Variants in TMPRSS4 observed in about 807,000 individuals in gnomAD.
TMPRSS4 encodes transmembrane serine protease 4.
TMPRSS4 carries 45 observed loss-of-function variants against 56.4 expected under a neutral mutation model. The observed-to-expected ratio is 0.80, with a 90% CI of 0.63 to 1.02. The LOEUF (loss-of-function observed/expected upper bound fraction) is 1.02. TMPRSS4 is among the 50% of genes least tolerant of loss of function. The probability of loss-of-function intolerance (pLI) is 0.00; values close to 1 mark genes in which losing one functional copy is unlikely to be tolerated. For synonymous variants in TMPRSS4, 205 were observed against 211.0 expected, an observed-to-expected ratio of 0.97 and a Z score of 0.25; for missense variants, 546 against 556.7, an observed-to-expected ratio of 0.98 and a Z score of 0.19.
At chr11:118,097,695 TGATAAGCTCCTAC>T (rs1946483446) in intron 2 of TMPRSS4, among the ~76,000 whole-genome samples, 1 of 152,166 alleles carries the variant, frequency 6.6e-6, no homozygotes, top group Non-Finnish European at 1.5e-5. Context: ...TTCTAGGCAG[TGATAAGCTCCTAC>T]CTGGTCTCCC....
chr11:118,084,024 C>A (rs904258828), intron 1 of TMPRSS4, among the ~76,000 whole-genome samples: 1 of 152,042 alleles, frequency 6.6e-6, no homozygotes, highest in Non-Finnish European at 1.5e-5. Flanking sequence ...GGCAACAGAG[C>A]GAGACTCCAT....
chr11:118,116,704 T>C (rs911323649), intron 11 of TMPRSS4, among the ~76,000 whole-genome samples: 44 of 144,628 alleles, frequency 3.0e-4, no homozygotes, highest in African/African-American at 1.1e-3. Flanking sequence ...GGTTAAACAA[T>C]GATAACCAGG....
At chr11:118,097,041 A>AGGAAAGGAAAGGAAAGGAAAG (rs1555084993) in intron 2 of TMPRSS4, among the ~76,000 whole-genome samples, 5 of 77,888 alleles carry the variant, frequency 6.4e-5, no homozygotes, top group East Asian at 7.1e-4. Context: ...AGAAAAGGAA[A>AGGAAAGGAAAGGAAAGGAAAG]GAAAGGAAAG....
intron 1 of TMPRSS4, among the ~76,000 whole-genome samples, chr11:118,090,582 G>A (rs1474562491): frequency 6.8e-6 from 1 of 146,934 alleles, no homozygotes; most frequent in Non-Finnish European, 1.5e-5. Context: ...TTCGAGACCA[G>A]CCTGGGCAAT....
At chr11:118,090,792 TCTCTCA>T (rs1945889207) in intron 1 of TMPRSS4, among the ~76,000 whole-genome samples, 1 of 148,928 alleles carries the variant, frequency 6.7e-6, no homozygotes, top group African/African-American at 2.5e-5. Context: ...TCTTTCTTTC[TCTCTCA>T]CTCTGTCACA....
chr11:118,114,334 A>G (rs1162384339), intron 9 of TMPRSS4, among the ~76,000 whole-genome samples: 1 of 152,180 alleles, frequency 6.6e-6, no homozygotes, highest in Non-Finnish European at 1.5e-5. Flanking sequence ...ATTATTTATA[A>G]TTCCTGAGAG....
intron 12 of TMPRSS4, 105 bp from the exon 13 acceptor site, chr11:118,117,797 G>A: frequency 6.2e-7 from 1 of 1,607,860 alleles, no homozygotes. Flanking sequence ...AGGGTAGGGA[G>A]AGAAGCAAAG....
chr11:118,083,409 C>T (rs984313780), intron 1 of TMPRSS4, among the ~76,000 whole-genome samples: 36 of 152,180 alleles, frequency 2.4e-4, no homozygotes, highest in Non-Finnish European at 4.4e-5. Flanking sequence ...GCCCTGGTCA[C>T]TGTCCCCAGA....
chr11:118,109,694 G>A (rs1947178549), intron 7 of TMPRSS4, among the ~76,000 whole-genome samples: 1 of 152,224 alleles, frequency 6.6e-6, no homozygotes, highest in Non-Finnish European at 1.5e-5. Flanking sequence ...GCTTCATAGA[G>A]AACTGAGACT....
chr11:118,100,412 G>A (rs1224148318), intron 3 of TMPRSS4, among the ~76,000 whole-genome samples: 1 of 152,212 alleles, frequency 6.6e-6, no homozygotes, highest in Non-Finnish European at 1.5e-5. Context: ...CTGGTTAGAG[G>A]ACACTGAGAG....
chr11:118,092,537 G>A (rs1323029827), intron 1 of TMPRSS4, among the ~76,000 whole-genome samples: 3 of 152,242 alleles, frequency 2.0e-5, no homozygotes, highest in Non-Finnish European at 4.4e-5. Flanking sequence ...TGCAGGGTCT[G>A]CAAAATATCT....
At chr11:118,090,701 G>A (rs536862681) in intron 1 of TMPRSS4, among the ~76,000 whole-genome samples, 4 of 151,736 alleles carry the variant, frequency 2.6e-5, no homozygotes, top group African/African-American at 7.3e-5. Context: ...GCCCTTGAGC[G>A]CAGGAGGTGG....
chr11:118,089,836 C>T (rs971942925), intron 1 of TMPRSS4, among the ~76,000 whole-genome samples: 5 of 152,090 alleles, frequency 3.3e-5, no homozygotes, highest in African/African-American at 1.2e-4. Context: ...CTTAATATTA[C>T]ATTCTAATAT....
intron 3 of TMPRSS4, among the ~76,000 whole-genome samples, chr11:118,099,807 T>A (rs1256992763): frequency 6.6e-6 from 1 of 152,136 alleles, no homozygotes; most frequent in Non-Finnish European, 1.5e-5. Context: ...CCCAGGCAGT[T>A]GGCACCTGGC....
In TMPRSS4 at chr11:118,118,552, A is replaced by G. The variant is rs1031273206; in HGVS notation, c.*639A>G. The G allele has an allele frequency of 4.1e-6, 4 of 985,420 alleles. No homozygotes were observed. The African/African-American group carries it at 5.2e-5, about 13-fold the overall frequency. 61.0% of individuals were successfully genotyped at this position (985,420 alleles called of 1,614,324 possible). ...AAAAGAAGTCCTGGGGAAGCAATTGAGTCTCAAAGTAGAGGCAGGGGAAAA... is the reference window on the plus strand; with the variant it reads ...AAAAGAAGTCCTGGGGAAGCAATTGGGTCTCAAAGTAGAGGCAGGGGAAAA... On this transcript the variant is annotated 3_prime_UTR_variant, in exon 13 of 13. Coordinates refer to ENST00000437212, the MANE Select transcript of TMPRSS4 (RefSeq NM_019894.4).
chr11:118,095,964 T>C (rs1288538384), intron 2 of TMPRSS4, among the ~76,000 whole-genome samples: 1 of 152,190 alleles, frequency 6.6e-6, no homozygotes, highest in African/African-American at 2.4e-5. Context: ...GAAAGCTCGT[T>C]CCTTCCTGAT....
At position 118,096,923 on chromosome 11, in the gene TMPRSS4, G is replaced by GA. The variant is rs1491244125; in HGVS notation, c.44-2062_44-2061insA. Among the ~76,000 whole-genome samples, 13 of 19,130 alleles carry GA rather than the reference G, an allele frequency of 6.8e-4. 1 individual carries two copies. Among genetic ancestry groups the GA allele is most frequent in the South Asian group, 1.7e-3 (1 of 590 alleles). 12.6% of individuals were successfully genotyped at this position (19,130 alleles called of 152,430 possible). Reference sequence around the variant, plus strand: ...AGAAAGAAAGAAAGGGAGAGAGAAAGGAAAGAAAGAAAGAGAAAGAAAGAA... The same window carrying GA: ...AGAAAGAAAGAAAGGGAGAGAGAAAGAGAAAGAAAGAAAGAGAAAGAAAGAA... On this transcript the variant is annotated intron_variant, in intron 2 of 12. Transcript: ENST00000437212.
rs779458171 is a variant in TMPRSS4 at position 118,113,383 on chromosome 11, C to G, written c.858C>G (p.Pro286=). 2 of 1,614,176 alleles carry G rather than the reference C, an allele frequency of 1.2e-6. No homozygotes were observed. The highest frequency in any genetic ancestry group is 1.7e-6 in the Non-Finnish European group (2 of 1,180,030). Residue 286 remains proline (P), a synonymous_variant, in exon 9 of 13, where the codon CCC becomes CCG. Coordinates refer to ENST00000437212, the MANE Select transcript of TMPRSS4 (RefSeq NM_019894.4). ...TCATTGAATTCAACCCCATGTACCC[C>G]AAAGACAATGACATCGCCCTCATGA... ...IIIIEFNPMY[P]KDNDIALMKL...
At chr11:118,125,280 C>A (rs75978087), downstream of TMPRSS4, 2,132 of 456,708 alleles carry the variant, frequency 4.7e-3, 42 homozygotes, top group African/African-American at 0.04. Context: ...TAAATGGCTT[C>A]TCCTTCTTCC....
Sources: gnomAD v4.1 joint callset for allele counts (sites outside exome capture counted in the v4.1 genomes callset) on GRCh38, gnomAD v4.1.1 for gene constraint, MANE v1.5 for transcripts, NCBI Gene and HGNC (gene_info 2026-07-23, HGNC 2026-07-21) for gene names.